The following SCARA3 variants were observed in gnomAD, a reference collection of about 807,000 sequenced individuals.
SCARA3 encodes the protein cellular stress response gene protein.
In SCARA3, 39 loss-of-function variants were observed where a neutral mutation model predicts 47.0. The ratio of observed to expected loss-of-function variants is 0.83; its 90% CI spans 0.64 to 1.08. SCARA3 has a LOEUF of 1.08. Ranked by LOEUF, SCARA3 falls within the 50% of genes least tolerant of loss-of-function variation. The pLI, the probability that SCARA3 is intolerant of heterozygous loss-of-function variation, is 0.00. For synonymous variants in SCARA3, 356 were observed against 334.1 expected (o/e 1.07, Z -0.71); for missense variants, 724 against 792.3 (o/e 0.91, Z 1.04).
intron 5 of SCARA3, among the ~76,000 whole-genome samples, chr8:27,666,150 T>A (rs1802010735): frequency 6.6e-6 from 1 of 152,242 alleles, no homozygotes; most frequent in Non-Finnish European, 1.5e-5. Context: ...GAGGGTTTGG[T>A]GGCCCTGACC....
At chr8:27,641,907 G>T (rs993279365) in intron 1 of SCARA3, among the ~76,000 whole-genome samples, 3 of 152,238 alleles carry the variant, frequency 2.0e-5, no homozygotes, top group Admixed American at 6.5e-5. Flanking sequence ...GTCCAGAACA[G>T]TGTTCCCTAA....
At chr8:27,716,246 G>C in the SCARA3 span, among the ~76,000 whole-genome samples, 39 of 152,248 alleles carry the variant, frequency 2.6e-4, 1 homozygote, top group African/African-American at 8.9e-4. Context: ...CCAGGAAGTC[G>C]AGGCTGCAGT....
the SCARA3 span, among the ~76,000 whole-genome samples, chr8:27,710,915 A>ATTTTTTT: frequency 2.1e-5 from 2 of 96,784 alleles, no homozygotes; most frequent in Non-Finnish European, 3.9e-5. Flanking sequence ...CTCATAGGTG[A>ATTTTTTT]TTTTTTTTTT....
chr8:27,677,373 T>G (rs1218921138), downstream of SCARA3, among the ~76,000 whole-genome samples: 1 of 152,184 alleles, frequency 6.6e-6, no homozygotes, highest in Non-Finnish European at 1.5e-5. Context: ...CAGAAGGAGC[T>G]CAGATATCTG....
At chr8:27,668,563 G>A (rs774147933) in intron 5 of SCARA3, among the ~76,000 whole-genome samples, 338 of 121,660 alleles carry the variant, frequency 2.8e-3, no homozygotes, top group Middle Eastern at 5.2e-3. Flanking sequence ...AAAAAAAAAA[G>A]AAATCACAGA....
chr8:27,729,819 T>C, the SCARA3 span, among the ~76,000 whole-genome samples: 1 of 152,020 alleles, frequency 6.6e-6, no homozygotes, highest in South Asian at 2.1e-4. Context: ...ATTAAAAATA[T>C]AAACAATAAA....
At chr8:27,717,271 T>C in the SCARA3 span, among the ~76,000 whole-genome samples, 1 of 152,200 alleles carries the variant, frequency 6.6e-6, no homozygotes, top group Non-Finnish European at 1.5e-5. Context: ...CATAGCTAGA[T>C]ACAGATACAG....
chr8:27,699,794 G>GA, the SCARA3 span, among the ~76,000 whole-genome samples: 1 of 150,386 alleles, frequency 6.6e-6, no homozygotes. Flanking sequence ...ATTTCAGAAA[G>GA]AAAAAAAAAG....
intron 5 of SCARA3, among the ~76,000 whole-genome samples, chr8:27,667,064 C>T (rs1802032011): frequency 6.6e-6 from 1 of 152,230 alleles, no homozygotes; most frequent in Non-Finnish European, 1.5e-5. Context: ...CAGCTCAGAG[C>T]AGCCACTAGC....
the SCARA3 span, among the ~76,000 whole-genome samples, chr8:27,704,769 C>T: frequency 6.6e-6 from 1 of 152,032 alleles, no homozygotes; most frequent in Non-Finnish European, 1.5e-5. Flanking sequence ...CACACACACA[C>T]GCACACACAG....
intron 1 of SCARA3, among the ~76,000 whole-genome samples, chr8:27,646,167 A>T (rs1009964979): frequency 6.6e-6 from 1 of 152,082 alleles, no homozygotes; most frequent in African/African-American, 2.4e-5. Flanking sequence ...GAGGGCTGTG[A>T]GTTATGGAGC....
Position 27,648,608 on chromosome 8 carries a change from GA to G in SCARA3, c.8-1084del, listed in dbSNP as rs958243758. Among the ~76,000 whole-genome samples, 492 of 141,522 alleles carry G rather than the reference GA, an allele frequency of 3.5e-3. 6 individuals carry two copies. The highest frequency in any genetic ancestry group is 0.012 in the African/African-American group (476 of 38,408). 92.8% of individuals were successfully genotyped at this position (141,522 alleles called of 152,430 possible). A position where few individuals can be genotyped will look rare whatever the true frequency, so the allele number is the denominator to read the frequency against. On this transcript the variant is annotated intron_variant, in intron 1 of 5. Transcript: ENST00000301904. The stretch of plus-strand genomic sequence containing the variant: ...GACACAGTGAGACTTTGTCTCAAAA[GA>G]AAAAAAAAAGGAAAAAAGGAAAACT...
Position 27,653,779 on chromosome 8 carries a change from C to T in SCARA3, c.226+2152C>T, listed in dbSNP as rs566173524. Among the ~76,000 whole-genome samples, 4 of 152,186 alleles carry T rather than the reference C, an allele frequency of 2.6e-5. No individual in the cohort carries two copies. In the East Asian group the frequency reaches 7.7e-4, roughly 29 times the overall value. ...TGGGGACCAAGAACTATATTCTATA[C>T]TGGGCAGTATACTGCTTAGTAAAAC... On this transcript the variant is annotated intron_variant, in intron 3 of 5. Coordinates refer to ENST00000301904, the MANE Select transcript of SCARA3 (RefSeq NM_016240.3).
intron 2 of SCARA3, 121 bp from the exon 3 acceptor site, chr8:27,651,387 C>A: frequency 8.1e-7 from 1 of 1,231,418 alleles, no homozygotes; most frequent in Non-Finnish European, 1.1e-6. Flanking sequence ...TCGAGAACAG[C>A]TCCCCTTCTG....
At chr8:27,702,385 C>A in the SCARA3 span, 1 of 152,490 alleles carries the variant, frequency 6.6e-6, no homozygotes, top group East Asian at 1.9e-4. Flanking sequence ...AACCCGCTGC[C>A]CAGTCCTGGC....
At chr8:27,717,727 G>A in the SCARA3 span, among the ~76,000 whole-genome samples, 1 of 152,264 alleles carries the variant, frequency 6.6e-6, no homozygotes, top group Non-Finnish European at 1.5e-5. Flanking sequence ...AGAGGTTACA[G>A]AGATACAAGA....
At chr8:27,714,592 G>C in the SCARA3 span, among the ~76,000 whole-genome samples, 2 of 152,086 alleles carry the variant, frequency 1.3e-5, no homozygotes, top group Non-Finnish European at 2.9e-5. Flanking sequence ...TTTCTCAAAG[G>C]ACACAGCTAG....
chr8:27,722,698 C>T, the SCARA3 span, among the ~76,000 whole-genome samples: 2 of 152,190 alleles, frequency 1.3e-5, no homozygotes, highest in Non-Finnish European at 2.9e-5. Context: ...TCTCCTTAGC[C>T]TTTCTCCTTA....
At chr8:27,646,064 T>C (rs1244815142) in intron 1 of SCARA3, among the ~76,000 whole-genome samples, 1 of 152,132 alleles carries the variant, frequency 6.6e-6, no homozygotes, top group East Asian at 1.9e-4. Context: ...ATTCCAGACA[T>C]AGGTGAGTCA....
Sources: allele counts gnomAD v4.1 joint callset (sites outside exome capture counted in the v4.1 genomes callset), GRCh38; gene constraint gnomAD v4.1.1; transcripts MANE v1.5; gene names NCBI Gene and HGNC (gene_info 2026-07-23, HGNC 2026-07-21).